WDR74: variants seen among roughly 807,000 people sequenced by gnomAD.
The protein encoded by WDR74 is WD repeat domain 74.
WDR74 carries 31 observed loss-of-function variants against 45.6 expected under a neutral mutation model. The ratio of observed to expected loss-of-function variants is 0.68; its 90% CI spans 0.51 to 0.92. WDR74 has a LOEUF of 0.92. WDR74 is among the 40% of genes least tolerant of loss of function. The pLI is 0.00. For missense variants in WDR74, 455 were observed against 497.2 expected (o/e 0.92, Z 0.81); for synonymous variants, 191 against 192.4 (o/e 0.99, Z 0.06).
chr11:62,838,347 G>GT (rs972782106), intron 3 of WDR74, among the ~76,000 whole-genome samples: 1 of 151,344 alleles, frequency 6.6e-6, no homozygotes, highest in Admixed American at 6.6e-5. Flanking sequence ...TAGAGAAGGG[G>GT]TTTTACCGTG....
chr11:62,836,044 G>A lies in WDR74; in HGVS notation c.294-8C>T. 1 of 1,577,388 alleles carries A rather than the reference G, an allele frequency of 6.3e-7. No individual in the cohort carries two copies. The highest frequency in any genetic ancestry group is 8.6e-7 in the Non-Finnish European group (1 of 1,161,006). ...ACACATGTGATGAGGGTGCTGCAGAGAAAGGATAGAGTTGGGATTTTTTAA... is the reference window on the plus strand; with the variant it reads ...ACACATGTGATGAGGGTGCTGCAGAAAAAGGATAGAGTTGGGATTTTTTAA... On this transcript the variant is annotated splice_polypyrimidine_tract_variant and splice_region_variant and intron_variant, in intron 3 of 10. Transcript: ENST00000278856.
rs748450325 is a variant in WDR74, at chr11:62,839,212, C to A, written c.195G>T (p.Arg65Ser). The A allele has an allele frequency of 6.2e-7, 1 of 1,613,700 alleles. No homozygotes were observed. The highest frequency in any genetic ancestry group is 2.2e-5 in the East Asian group (1 of 44,886). ...ETQMLVGCAD[R>S]TVKHFSTEDG... ...CCTCGGTGCTGAAGTGCTTCACCGT[C>A]CTGTCCGCGCAGCCCACCAGCATCT... Residue 65 changes from arginine to serine, a missense_variant, in exon 3 of 11, where the codon AGG becomes AGT. Arg to Ser is a moderately radical substitution (Grantham distance 110). Coordinates refer to ENST00000278856, the MANE Select transcript of WDR74 (RefSeq NM_001369450.1).
intron 6 of WDR74, chr11:62,834,772 CCCCATACT>C: frequency 2.0e-6 from 1 of 504,024 alleles, no homozygotes; most frequent in Non-Finnish European, 3.6e-6. Context: ...CATTCCATCC[CCCCATACT>C]CCCATCTAGG....
At position 62,834,518 on chromosome 11, in the gene WDR74, A is replaced by G; in HGVS notation, c.628T>C (p.Tyr210His). 3.1e-6 allele frequency: 5 copies of G among 1,608,222 alleles called. No individual in the cohort carries two copies. The highest frequency in any genetic ancestry group is 4.2e-6 in the Non-Finnish European group (5 of 1,179,412). Residue 210 changes from tyrosine (Y) to histidine (H), a missense_variant, in exon 7 of 11, where the codon TAT (tyrosine) becomes CAT (histidine). Coordinates refer to ENST00000278856, the MANE Select transcript of WDR74 (RefSeq NM_001369450.1). ...CGGCGCTGGGGGGATGCTGGATCAT[A>G]AACACGGACCTAGAGGAAGGCTGAA... ...TCTGYHQVRV[Y>H]DPASPQRRPV...
chr11:62,839,015 G>T, intron 3 of WDR74, 99 bp downstream of exon 3: 1 of 1,535,060 alleles, frequency 6.5e-7, no homozygotes. Flanking sequence ...ATTCAAAGCC[G>T]TGTCACTAAG....
upstream of WDR74, chr11:62,841,560 A>C (rs114212848): frequency 1.1e-4 from 16 of 152,102 alleles, no homozygotes; most frequent in African/African-American, 3.4e-4. Context: ...ATAACTATTT[A>C]GCTTGTACCC....
At chr11:62,841,271 C>T (rs2085041982), upstream of WDR74, among the ~76,000 whole-genome samples, 2 of 152,114 alleles carry the variant, frequency 1.3e-5, no homozygotes, top group Admixed American at 1.3e-4. Context: ...GAGCTGAGAT[C>T]ATGCCATTGC....
chr11:62,835,614 C>T, intron 5 of WDR74, 81 bp downstream of exon 5: 1 of 1,613,516 alleles, frequency 6.2e-7, no homozygotes, highest in South Asian at 1.1e-5. Context: ...CCCCCTAAGT[C>T]CATCTAGTCT....
At chr11:62,834,551 A>G (rs1463609872) in intron 6 of WDR74, 24 bp from the exon 7 acceptor site, 3 of 1,592,656 alleles carry the variant, frequency 1.9e-6, no homozygotes, top group Admixed American at 1.7e-5. Context: ...GAAGCATCAC[A>G]AAAGTATCCT....
intron 8 of WDR74, 107 bp from the exon 9 acceptor site, chr11:62,834,044 C>T: frequency 6.6e-7 from 1 of 1,506,158 alleles, no homozygotes; most frequent in Non-Finnish European, 9.0e-7. Context: ...TGCAACAAAA[C>T]CCTGAGACTG....
At chr11:62,838,271 G>T (rs996300093) in intron 3 of WDR74, among the ~76,000 whole-genome samples, 2 of 152,022 alleles carry the variant, frequency 1.3e-5, no homozygotes, top group Non-Finnish European at 2.9e-5. Flanking sequence ...TCCAGCCTCG[G>T]CCTCCCAAGT....
upstream of WDR74, chr11:62,841,583 A>ATCTTCCATTAAACAACGGTTGT (rs2085057055): frequency 6.6e-6 from 1 of 152,188 alleles, no homozygotes; most frequent in African/African-American, 2.4e-5. Flanking sequence ...ACTGATCGAA[A>ATCTTCCATTAAACAACGGTTGT]TCTTCCATTA....
At position 62,835,480 on chromosome 11, in the gene WDR74, T is replaced by C. The variant is rs776414038; in HGVS notation, c.569A>G (p.Gln190Arg). 1 of 1,613,984 alleles carries C rather than the reference T, an allele frequency of 6.2e-7. No individual in the cohort carries two copies. The highest frequency in any genetic ancestry group is 8.5e-7 in the Non-Finnish European group (1 of 1,179,872). The change falls in exon 6 of 11, where the codon CAG (glutamine) becomes CGG (arginine). Residue 190 changes from glutamine to arginine, a missense_variant. Physicochemically the swap from Gln to Arg is conservative, Grantham distance 43. Transcript: ENST00000278856. The part of the protein sequence containing the change: ...LRVPIWDQDI[Q>R]FLPGSQKLVT... ...AAGCTTCTGTGATCCTGGGAGAAAC[T>C]GTATGTCCTGGTCCCAGATGGGAAC...
At chr11:62,841,631 G>T (rs574334957), upstream of WDR74, 2 of 152,208 alleles carry the variant, frequency 1.3e-5, no homozygotes, top group African/African-American at 4.8e-5. Context: ...AGAGTGCACC[G>T]TTCCTGGAAG....
intron 9 of WDR74, 56 bp from the exon 10 acceptor site, chr11:62,833,730 G>T: frequency 6.3e-7 from 1 of 1,594,054 alleles, no homozygotes; most frequent in Non-Finnish European, 8.5e-7. Context: ...AAACATGAAC[G>T]GAGGGCACAG....
At position 62,833,296 on chromosome 11, in the gene WDR74, TAAAAAAAA is replaced by T. The variant is rs1048706100; in HGVS notation, c.979-173_979-166del. Among the ~76,000 whole-genome samples the T allele has an allele frequency of 8.7e-3, 442 of 50,888 alleles. 1 individual carries two copies. The highest frequency in any genetic ancestry group is 0.02 in the African/African-American group (283 of 14,180). The allele number at this position is 50,888 out of a possible 152,430, so 33.4% of individuals were successfully genotyped here. On this transcript the variant is annotated intron_variant, in intron 10 of 10. Transcript: ENST00000278856. The stretch of plus-strand genomic sequence containing the variant: ...GACCCCATCTCCACAAAAAGAAGTT[TAAAAAAAA>T]AAAAAAAAAAAAAAAAAAAGAAAAG...
chr11:62,835,400 A>G, intron 6 of WDR74, 31 bp downstream of exon 6: 1 of 1,597,710 alleles, frequency 6.3e-7, no homozygotes, highest in Non-Finnish European at 8.6e-7. Context: ...GCTTTATCCC[A>G]GGAGAAGGCA....
At chr11:62,833,994 T>C (rs779207339) in intron 8 of WDR74, 57 bp from the exon 9 acceptor site, 5 of 1,596,638 alleles carry the variant, frequency 3.1e-6, no homozygotes, top group Admixed American at 1.7e-5. Context: ...AACCATTCAT[T>C]GTTTCCTGTT....
rs976654415 is a variant in WDR74, at chr11:62,833,038, G to A, written c.1072C>T (p.Arg358Trp). The change falls in exon 11 of 11, where the codon CGG becomes TGG. Residue 358 changes from arginine to tryptophan, a missense_variant. Arg to Trp is a moderately radical substitution (Grantham distance 101). Transcript: ENST00000278856. ...LWASLEAAAKRKLSGLEQPQG... is the reference protein window; with the variant it reads ...LWASLEAAAKWKLSGLEQPQG... ...GGCTGCTCCAAACCCGAGAGCTTCC[G>A]CTTGGCAGCTGCCTCCAAGGATGCC... The A allele has an allele frequency of 3.1e-6, 5 of 1,610,544 alleles. No homozygotes were observed. Among genetic ancestry groups the A allele is most frequent in the Middle Eastern group, 1.7e-4 (1 of 6,058 alleles).
Sources: gnomAD v4.1 joint callset for allele counts (sites outside exome capture counted in the v4.1 genomes callset) on GRCh38, gnomAD v4.1.1 for gene constraint, MANE v1.5 for transcripts, NCBI Gene and HGNC (gene_info 2026-07-23, HGNC 2026-07-21) for gene names.